The following ZFHX3 variants were observed in gnomAD, a reference collection of about 807,000 sequenced individuals.
ZFHX3 encodes the protein zinc finger homeobox 3, also known as zinc finger homeobox protein 3.
In ZFHX3, 42 loss-of-function variants were observed where a neutral mutation model predicts 279.1. The ratio of observed to expected loss-of-function variants is 0.15; its 90% CI spans 0.12 to 0.19. ZFHX3 has a LOEUF of 0.19. Among genes scored for constraint, ZFHX3 ranks in the 10% least tolerant of loss-of-function variants. The probability of loss-of-function intolerance (pLI) is 1.00; values close to 1 mark genes in which losing one functional copy is unlikely to be tolerated. For synonymous variants in ZFHX3, 2,293 were observed against 1,957.8 expected (o/e 1.17, Z -4.52); for missense variants, 4,981 against 4,754.0 (o/e 1.05, Z -1.40).
At chr16:73,391,930 T>C (rs575841933) in intron 3 of ZFHX3, among the ~76,000 whole-genome samples, 46 of 152,230 alleles carry the variant, frequency 3.0e-4, no homozygotes, top group Non-Finnish European at 5.9e-5. Flanking sequence ...CAGAGTCATT[T>C]GGGAAAAGAA....
At chr16:73,533,166 T>C (rs1373230546) in intron 2 of ZFHX3, among the ~76,000 whole-genome samples, 1 of 152,016 alleles carries the variant, frequency 6.6e-6, no homozygotes, top group Non-Finnish European at 1.5e-5. Context: ...CTATGACATT[T>C]TCTCGTTTCA....
chr16:73,478,352 T>C (rs991669970), intron 2 of ZFHX3, among the ~76,000 whole-genome samples: 2 of 151,720 alleles, frequency 1.3e-5, no homozygotes, highest in African/African-American at 4.9e-5. Context: ...GACCCTCAGA[T>C]TAAAAGTCTG....
intron 1 of ZFHX3, among the ~76,000 whole-genome samples, chr16:73,873,055 G>T (rs1261141295): frequency 2.0e-4 from 7 of 34,744 alleles, no homozygotes. Flanking sequence ...TGGTGGTGGC[G>T]GTGGGTGGTG....
chr16:73,685,772 C>T (rs965114995), intron 1 of ZFHX3, among the ~76,000 whole-genome samples: 1 of 152,200 alleles, frequency 6.6e-6, no homozygotes, highest in African/African-American at 2.4e-5. Flanking sequence ...TTCCCTAAAA[C>T]AACCCTTGAG....
At chr16:73,408,030 G>A (rs1394743038) in intron 3 of ZFHX3, among the ~76,000 whole-genome samples, 1 of 151,590 alleles carries the variant, frequency 6.6e-6, no homozygotes, top group African/African-American at 2.4e-5. Context: ...AAGAGGAGGG[G>A]AGTGAAAAGG....
At chr16:73,138,758 G>T (rs1966835182) in intron 6 of ZFHX3, among the ~76,000 whole-genome samples, 1 of 152,030 alleles carries the variant, frequency 6.6e-6, no homozygotes, top group Non-Finnish European at 1.5e-5. Context: ...CATGATCATG[G>T]CTCACTGCAG....
At chr16:73,314,227 G>A (rs965937302) in intron 4 of ZFHX3, among the ~76,000 whole-genome samples, 3 of 152,152 alleles carry the variant, frequency 2.0e-5, no homozygotes, top group African/African-American at 4.8e-5. Flanking sequence ...AAATTTTTTA[G>A]CAGGTTGTCT....
chr16:73,780,434 C>A (rs1959427987), intron 1 of ZFHX3, among the ~76,000 whole-genome samples: 1 of 150,900 alleles, frequency 6.6e-6, no homozygotes, highest in South Asian at 2.1e-4. Context: ...AGGCATGAGC[C>A]ACCGTGCCTG....
intron 2 of ZFHX3, among the ~76,000 whole-genome samples, chr16:73,456,999 G>T (rs536485450): frequency 6.6e-6 from 1 of 152,306 alleles, no homozygotes; most frequent in South Asian, 2.1e-4. Context: ...GGACAGATTG[G>T]AGATAACATT....
chr16:73,416,909 T>C (rs2017599691), intron 3 of ZFHX3, among the ~76,000 whole-genome samples: 1 of 151,952 alleles, frequency 6.6e-6, no homozygotes, highest in South Asian at 2.1e-4. Context: ...AGTAGGATAT[T>C]ATCATCATCT....
At chr16:72,937,569 C>T (rs1440635407) in intron 3 of ZFHX3, among the ~76,000 whole-genome samples, 2 of 152,190 alleles carry the variant, frequency 1.3e-5, no homozygotes, top group Non-Finnish European at 2.9e-5. Context: ...CTGGGCAATG[C>T]GGCCTTGGGC....
chr16:73,289,690 C>T (rs1426343651), intron 4 of ZFHX3, among the ~76,000 whole-genome samples: 2 of 152,088 alleles, frequency 1.3e-5, no homozygotes, highest in East Asian at 3.9e-4. Flanking sequence ...TGTGGCTGGT[C>T]TCGGTCCTAC....
intron 1 of ZFHX3, among the ~76,000 whole-genome samples, chr16:73,705,008 C>A (rs547148764): frequency 2.0e-4 from 30 of 152,234 alleles, no homozygotes; most frequent in Middle Eastern, 3.4e-3. Context: ...TTCAACCCAG[C>A]AACATAACAT....
chr16:72,895,786 C>T (rs919683197), intron 3 of ZFHX3, among the ~76,000 whole-genome samples: 25 of 152,150 alleles, frequency 1.6e-4, no homozygotes, highest in Admixed American at 1.4e-3. Context: ...ATCACACCAG[C>T]GTACTCCACC....
intron 8 of ZFHX3, among the ~76,000 whole-genome samples, chr16:73,090,753 T>C (rs1278181699): frequency 6.9e-6 from 1 of 144,908 alleles, no homozygotes; most frequent in Non-Finnish European, 1.5e-5. Context: ...ACAAAAAACA[T>C]ACAAAACATT....
chr16:73,375,382 C>T (rs1025229499), intron 3 of ZFHX3, among the ~76,000 whole-genome samples: 2 of 152,052 alleles, frequency 1.3e-5, no homozygotes, highest in African/African-American at 4.8e-5. Context: ...TTGAAACTAG[C>T]CATTTCTCCA....
At position 73,883,747 on chromosome 16, in the gene ZFHX3, A is replaced by G. The variant is rs1274603606; in HGVS notation, c.-1608+7904T>C. On this transcript the variant is annotated intron_variant, in intron 1 of 17. Transcript: ENST00000641206. ...ACCTAAAATATGAAATAATTTGCACATAGCTATAACCCAGCCCCTGTGAGA... is the reference window on the plus strand; with the variant it reads ...ACCTAAAATATGAAATAATTTGCACGTAGCTATAACCCAGCCCCTGTGAGA... Among the ~76,000 whole-genome samples the G allele has an allele frequency of 3.3e-5, 5 of 152,182 alleles. No individual in the cohort carries two copies. The South Asian group carries it at 6.2e-4, about 19-fold the overall frequency.
At chr16:73,697,449 C>T (rs763307886) in intron 1 of ZFHX3, among the ~76,000 whole-genome samples, 1 of 152,110 alleles carries the variant, frequency 6.6e-6, no homozygotes, top group Non-Finnish European at 1.5e-5. Flanking sequence ...AATATCTTCC[C>T]AATTATTAAT....
At chr16:72,994,115 C>G (rs2144578259) in intron 1 of ZFHX3, among the ~76,000 whole-genome samples, 1 of 152,320 alleles carries the variant, frequency 6.6e-6, no homozygotes, top group Middle Eastern at 3.4e-3. Context: ...TAATCCACAA[C>G]AAGGACTTTG....
Sources: allele counts gnomAD v4.1 joint callset (sites outside exome capture counted in the v4.1 genomes callset), GRCh38; gene constraint gnomAD v4.1.1; transcripts MANE v1.5; gene names NCBI Gene and HGNC (gene_info 2026-07-23, HGNC 2026-07-21).